EXTL3: variants seen among roughly 807,000 people sequenced by gnomAD.
The protein encoded by EXTL3 is exostosin like glycosyltransferase 3, also known as exostosin-like 3.
Under a neutral mutation model 69.3 loss-of-function variants are expected in EXTL3, and 27 were observed. The ratio of observed to expected loss-of-function variants is 0.39; its 90% CI spans 0.29 to 0.54. The LOEUF (loss-of-function observed/expected upper bound fraction) is 0.54. Ranked by LOEUF, EXTL3 falls within the 20% of genes least tolerant of loss-of-function variation. The pLI, the probability that EXTL3 is intolerant of heterozygous loss-of-function variation, is 0.69. For synonymous variants in EXTL3, 511 were observed against 499.4 expected, an observed-to-expected ratio of 1.02 and a Z score of -0.31; for missense variants, 1,003 against 1,231.8, an observed-to-expected ratio of 0.81 and a Z score of 2.78.
At chr8:28,641,898 C>T (rs1202116382) in intron 1 of EXTL3, among the ~76,000 whole-genome samples, 3 of 152,104 alleles carry the variant, frequency 2.0e-5, no homozygotes, top group Admixed American at 6.6e-5. Context: ...TGCAGTGGAG[C>T]GATCTTGGCT....
intron 2 of EXTL3, among the ~76,000 whole-genome samples, chr8:28,616,470 A>G (rs1335787066): frequency 6.6e-6 from 1 of 152,176 alleles, no homozygotes; most frequent in Non-Finnish European, 1.5e-5. Context: ...CTAAAAAAGT[A>G]TAAAAAATTA....
chr8:28,610,744 C>CTT (rs35188606), intron 2 of EXTL3, among the ~76,000 whole-genome samples: 3 of 138,078 alleles, frequency 2.2e-5, no homozygotes, highest in African/African-American at 2.7e-5. Flanking sequence ...AGATCTGTTT[C>CTT]TTTTTTTTTT....
At chr8:28,672,782 C>G (rs749846948) in intron 1 of EXTL3, among the ~76,000 whole-genome samples, 13 of 152,104 alleles carry the variant, frequency 8.5e-5, no homozygotes, top group Non-Finnish European at 1.6e-4. Flanking sequence ...TGACCTAAAA[C>G]CTAGAAAGGT....
chr8:28,718,529 C>G (rs564613637), intron 3 of EXTL3, among the ~76,000 whole-genome samples: 1 of 152,312 alleles, frequency 6.6e-6, no homozygotes, highest in Admixed American at 6.5e-5. Context: ...TAATGATAAG[C>G]TACCATTTAG....
At chr8:28,635,534 T>C (rs1486409332) in intron 1 of EXTL3, among the ~76,000 whole-genome samples, 1 of 141,124 alleles carries the variant, frequency 7.1e-6, no homozygotes, top group Non-Finnish European at 1.5e-5. Flanking sequence ...ACCCTGTGTC[T>C]ACTAAAAAAT....
At position 28,754,033 on chromosome 8, in the gene EXTL3, C is replaced by CGTGTGTGTGTGTGTGTGTGTGTGTGT. The variant is rs71549699; in HGVS notation, c.*3170_*3195dup. 1.4e-5 allele frequency: 2 copies of CGTGTGTGTGTGTGTGTGTGTGTGTGT among 142,266 alleles called. No individual in the cohort carries two copies. The highest frequency in any genetic ancestry group is 5.0e-5 in the African/African-American group (2 of 39,880). 8.8% of individuals were successfully genotyped at this position (142,266 alleles called of 1,614,324 possible). On this transcript the variant is annotated 3_prime_UTR_variant, in exon 7 of 7. Coordinates refer to ENST00000220562, the MANE Select transcript of EXTL3 (RefSeq NM_001440.4). ...AATTTTTTCATGGGAATTTAAAATG[C>CGTGTGTGTGTGTGTGTGTGTGTGTGT]GTGTGTGTGTGTGTGTGTGTGTGTG... is the stretch of plus-strand genomic sequence containing the variant.
chr8:28,671,387 C>T (rs1739883440), intron 1 of EXTL3, among the ~76,000 whole-genome samples: 1 of 147,386 alleles, frequency 6.8e-6, no homozygotes, highest in Non-Finnish European at 1.5e-5. Context: ...TCTCTGCTCA[C>T]TCTCTCCTCC....
chr8:28,743,009 T>C, intron 5 of EXTL3, 77 bp from the exon 6 acceptor site: 2 of 1,546,976 alleles, frequency 1.3e-6, no homozygotes, highest in South Asian at 1.1e-5. Context: ...AGCCCCTCCA[T>C]CCATGCATAT....
intron 1 of EXTL3, among the ~76,000 whole-genome samples, chr8:28,636,488 G>A (rs1001773596): frequency 1.3e-5 from 2 of 152,158 alleles, no homozygotes; most frequent in Non-Finnish European, 2.9e-5. Flanking sequence ...CTTGGTATCT[G>A]CTCTCTCCAA....
At position 28,656,915 on chromosome 8, in the gene EXTL3, A is replaced by ACT. The variant is rs1013556734; in HGVS notation, c.-53+34118_-53+34119dup. Among the ~76,000 whole-genome samples the ACT allele has an allele frequency of 1.5e-4, 18 of 120,142 alleles. 2 individuals are homozygous for ACT. The South Asian group carries it at 3.6e-3, about 24-fold the overall frequency. 78.8% of individuals were successfully genotyped at this position (120,142 alleles called of 152,430 possible). ...TTTCTTTCTTTCTTTCTTTCTTCAC[A>ACT]CTCTCTCTCTCTCTTACTTTTTTTT... On this transcript the variant is annotated intron_variant, in intron 1 of 6. Coordinates refer to the EXTL3 transcript ENST00000523149.
At chr8:28,646,612 C>T (rs1299327065) in intron 1 of EXTL3, among the ~76,000 whole-genome samples, 1 of 152,194 alleles carries the variant, frequency 6.6e-6, no homozygotes, top group East Asian at 1.9e-4. Context: ...TACCTTGTAA[C>T]TTCCAGTGTA....
chr8:28,727,377 T>TA (rs112994294), intron 3 of EXTL3, among the ~76,000 whole-genome samples: 1 of 152,028 alleles, frequency 6.6e-6, no homozygotes, highest in African/African-American at 2.4e-5. Flanking sequence ...ATAAACTTAC[T>TA]AAAAAAAACT....
rs555176505 is a variant in EXTL3, at chr8:28,650,183, G to A, written c.-53+27373G>A. Reference sequence around the variant, plus strand: ...TGCACTCCAGCCGGGGTGACAGAGTGAGACTCTGTCTCAGGAAAAAAAAAA... The same window carrying A: ...TGCACTCCAGCCGGGGTGACAGAGTAAGACTCTGTCTCAGGAAAAAAAAAA... On this transcript the variant is annotated intron_variant, in intron 1 of 6. Coordinates refer to the EXTL3 transcript ENST00000523149. Among the ~76,000 whole-genome samples, 31 of 141,690 alleles carry A rather than the reference G, an allele frequency of 2.2e-4. 1 individual carries two copies. The highest frequency in any genetic ancestry group is 1.6e-3 in the Admixed American group (23 of 14,200). 93.0% of individuals were successfully genotyped at this position (141,690 alleles called of 152,430 possible). A position where few individuals can be genotyped will look rare whatever the true frequency, so the allele number is the denominator to read the frequency against.
At chr8:28,715,145 A>C (rs2130732937) in intron 2 of EXTL3, among the ~76,000 whole-genome samples, 1 of 152,298 alleles carries the variant, frequency 6.6e-6, no homozygotes, top group East Asian at 1.9e-4. Flanking sequence ...TTTTTTTGTA[A>C]AGTATTTCCA....
rs1053319121 is a variant in EXTL3, at chr8:28,609,625, C to T, written n.314+1867C>T. ...GCAAGGCCAGGCACGGTAGCTCATA[C>T]GTGGAATCCCAGCACTTTGGGAGCC... On this transcript the variant is annotated intron_variant and non_coding_transcript_variant, in intron 2 of 4. Coordinates refer to the EXTL3 transcript ENST00000522725. Among the ~76,000 whole-genome samples, 5 of 152,058 alleles carry T rather than the reference C, an allele frequency of 3.3e-5. 1 individual carries two copies. Among genetic ancestry groups the T allele is most frequent in the African/African-American group, 7.2e-5 (3 of 41,468 alleles).
intron 2 of EXTL3, among the ~76,000 whole-genome samples, chr8:28,609,445 A>G (rs866479055): frequency 3.3e-5 from 5 of 151,910 alleles, no homozygotes; most frequent in African/African-American, 1.2e-4. Flanking sequence ...TAAAAAAAAA[A>G]GAAATCTAGG....
At chr8:28,661,994 T>G (rs1218154936) in intron 1 of EXTL3, among the ~76,000 whole-genome samples, 4 of 150,966 alleles carry the variant, frequency 2.6e-5, no homozygotes, top group African/African-American at 9.7e-5. Flanking sequence ...TAATACAATA[T>G]AAAATATATA....
chr8:28,654,184 A>G (rs1433045577), intron 1 of EXTL3, among the ~76,000 whole-genome samples: 2 of 152,216 alleles, frequency 1.3e-5, no homozygotes, highest in Non-Finnish European at 2.9e-5. Flanking sequence ...TGAGTCTTAT[A>G]AAGTTTAGCT....
intron 1 of EXTL3, among the ~76,000 whole-genome samples, chr8:28,651,546 A>G (rs1450864857): frequency 6.6e-6 from 1 of 151,992 alleles, no homozygotes; most frequent in Admixed American, 6.6e-5. Context: ...GCTAATCTCA[A>G]ACTCCTGGGC....
Sources: gnomAD v4.1 joint callset for allele counts (sites outside exome capture counted in the v4.1 genomes callset) on GRCh38, gnomAD v4.1.1 for gene constraint, MANE v1.5 for transcripts, NCBI Gene and HGNC (gene_info 2026-07-23, HGNC 2026-07-21) for gene names.